Variants in TRPC4AP observed in about 807,000 individuals in gnomAD.
The protein encoded by TRPC4AP is transient receptor potential cation channel subfamily C member 4 associated protein.
Under a neutral mutation model 99.0 loss-of-function variants are expected in TRPC4AP, and 45 were observed. That is an observed-to-expected ratio of 0.45 (90% CI 0.36 to 0.58). The LOEUF (loss-of-function observed/expected upper bound fraction) is 0.58, where lower values mean the gene tolerates loss of function less well. Ranked by LOEUF, TRPC4AP falls within the 20% of genes least tolerant of loss-of-function variation. The pLI is 0.00. For synonymous variants in TRPC4AP, 408 were observed against 385.8 expected, an observed-to-expected ratio of 1.06 and a Z score of -0.67; for missense variants, 879 against 985.3, an observed-to-expected ratio of 0.89 and a Z score of 1.44.
chr20:35,022,724 A>G (rs1389802309), intron 8 of TRPC4AP, among the ~76,000 whole-genome samples: 1 of 152,108 alleles, frequency 6.6e-6, no homozygotes, highest in African/African-American at 2.4e-5. Context: ...AAGACAGAAG[A>G]CCCTAACTTA....
At chr20:35,052,325 C>T (rs2083724004) in intron 5 of TRPC4AP, among the ~76,000 whole-genome samples, 1 of 152,128 alleles carries the variant, frequency 6.6e-6, no homozygotes, top group Non-Finnish European at 1.5e-5. Flanking sequence ...AACTCCTGGA[C>T]ACACACAATT....
In TRPC4AP at chr20:35,080,549, A is replaced by AAC. The variant is rs1555917040; in HGVS notation, c.169-2376_169-2375insGT. 6.2e-3 allele frequency among the ~76,000 whole-genome samples: 937 copies of AAC among 150,480 alleles called. 13 individuals carry two copies. Among genetic ancestry groups the AAC allele is most frequent in the African/African-American group, 0.022 (902 of 40,378 alleles). ...AGACTCCATCTAAAAAAAAAAAAAA[A>AAC]AAAAAAACCTAAAAGAAGCCAGTCT... On this transcript the variant is annotated intron_variant, in intron 1 of 18. Coordinates refer to ENST00000252015, the MANE Select transcript of TRPC4AP (RefSeq NM_015638.3).
chr20:35,059,707 AAATAAG>A (rs1390162580), intron 3 of TRPC4AP, among the ~76,000 whole-genome samples: 1 of 140,736 alleles, frequency 7.1e-6, no homozygotes, highest in African/African-American at 2.8e-5. Context: ...AAAGAAGAAG[AAATAAG>A]AAGAAGAAGA....
intron 2 of TRPC4AP, among the ~76,000 whole-genome samples, chr20:35,076,738 CT>C (rs1432295174): frequency 6.6e-6 from 1 of 152,212 alleles, no homozygotes; most frequent in Non-Finnish European, 1.5e-5. Context: ...GGCAGTCTGT[CT>C]GTTCTCAGAT....
chr20:35,089,716 G>A (rs2084990069), intron 1 of TRPC4AP, among the ~76,000 whole-genome samples: 1 of 152,110 alleles, frequency 6.6e-6, no homozygotes, highest in Admixed American at 6.5e-5. Context: ...AGGTGTGGTG[G>A]CACACGACTG....
chr20:35,019,531 G>A (rs534755106), intron 9 of TRPC4AP, among the ~76,000 whole-genome samples: 2 of 152,046 alleles, frequency 1.3e-5, no homozygotes, highest in Non-Finnish European at 2.9e-5. Context: ...ATCGAGTGTG[G>A]GGACACAGAG....
At position 35,007,582 on chromosome 20, in the gene TRPC4AP, GGTCTGCAT is replaced by G; in HGVS notation, c.1646_1653del (p.Tyr549SerfsTer23). The G allele has an allele frequency of 6.2e-7, 1 of 1,614,188 alleles. No individual in the cohort carries two copies. Among genetic ancestry groups the G allele is most frequent in the Non-Finnish European group, 8.5e-7 (1 of 1,180,038 alleles). Reference sequence around the variant, plus strand: ...AGGCCTCGCTTCAGCAGGAACATCTGGTCTGCATAGGAGGTGGTCCCTCGGAGGAAACT... The same window carrying G: ...AGGCCTCGCTTCAGCAGGAACATCTGAGGAGGTGGTCCCTCGGAGGAAACT... On this transcript the variant is annotated frameshift_variant, in exon 14 of 19. Transcript: ENST00000252015. LOFTEE classifies it high-confidence loss of function.
intron 6 of TRPC4AP, among the ~76,000 whole-genome samples, chr20:35,047,651 C>T (rs1333043600): frequency 6.6e-6 from 1 of 152,150 alleles, no homozygotes; most frequent in Non-Finnish European, 1.5e-5. Context: ...CCAAGAACGA[C>T]CACCAGTAAA....
At chr20:35,045,880 C>T (rs2083551108) in intron 6 of TRPC4AP, among the ~76,000 whole-genome samples, 1 of 152,026 alleles carries the variant, frequency 6.6e-6, no homozygotes, top group Non-Finnish European at 1.5e-5. Context: ...ACTATTGTTG[C>T]CCAGGCTGGA....
In TRPC4AP at chr20:35,003,439, T is replaced by C; in HGVS notation, c.2227A>G (p.Lys743Glu). The change falls in exon 18 of 19, where the codon AAG becomes GAG. Residue 743 changes from lysine (K) to glutamate (E), a missense_variant. Around this residue, in one of 3 missense-constraint regions of TRPC4AP, gnomAD observed 224 missense variants for 264.7 expected, o/e 0.85. Coordinates refer to ENST00000252015, the MANE Select transcript of TRPC4AP (RefSeq NM_015638.3). ...TCTAGGCAGGTGCTGTCCTTGTCCT[T>C]GTGCAGGTAGTGCTGCTGCCAGAAG... The part of the protein sequence containing the change: ...LRFWQQHYLH[K>E]DKDSTCLENS... The C allele has an allele frequency of 1.2e-6, 2 of 1,614,092 alleles. No individual in the cohort carries two copies. Among genetic ancestry groups the C allele is most frequent in the South Asian group, 1.1e-5 (1 of 91,086 alleles).
At chr20:35,062,982 G>C (rs1274106328) in intron 3 of TRPC4AP, among the ~76,000 whole-genome samples, 1 of 152,220 alleles carries the variant, frequency 6.6e-6, no homozygotes, top group Non-Finnish European at 1.5e-5. Context: ...CAGGTGATAT[G>C]GTTTGGCTGT....
At chr20:35,008,062 T>C (rs778532479) in intron 13 of TRPC4AP, among the ~76,000 whole-genome samples, 26 of 152,050 alleles carry the variant, frequency 1.7e-4, no homozygotes, top group Non-Finnish European at 2.9e-4. Context: ...CCTAGGGAAG[T>C]AGTGGTTGAT....
intron 2 of TRPC4AP, 38 bp from the exon 3 acceptor site, chr20:35,069,450 T>A: frequency 7.7e-7 from 1 of 1,306,898 alleles, no homozygotes; most frequent in Non-Finnish European, 1.1e-6. Flanking sequence ...ATTGTTTTAG[T>A]AACCAACACA....
chr20:35,091,073 G>C (rs1452686779), intron 1 of TRPC4AP, among the ~76,000 whole-genome samples: 2 of 150,334 alleles, frequency 1.3e-5, no homozygotes, highest in East Asian at 3.9e-4. Flanking sequence ...TTTGAGACAG[G>C]GTCTCACTCT....
chr20:35,083,676 T>A (rs1360953943), intron 1 of TRPC4AP, among the ~76,000 whole-genome samples: 3 of 147,056 alleles, frequency 2.0e-5, no homozygotes, highest in African/African-American at 2.5e-5. Context: ...AAACTAAATA[T>A]ATGTGTCAGA....
chr20:35,062,449 T>C (rs530604151), intron 3 of TRPC4AP, among the ~76,000 whole-genome samples: 21 of 152,344 alleles, frequency 1.4e-4, no homozygotes, highest in Admixed American at 1.3e-3. Context: ...AACTGATGAA[T>C]GGATAAATAA....
At chr20:35,020,344 C>A (rs11906126) in intron 9 of TRPC4AP, among the ~76,000 whole-genome samples, 8,617 of 152,198 alleles carry the variant, frequency 0.057, 815 homozygotes, top group African/African-American at 0.2. Flanking sequence ...CTTGACATGA[C>A]CTGGTCCCTG....
rs1472057561 is a variant in TRPC4AP at position 35,044,796 on chromosome 20, AC to A, written c.658-85del. 8 of 1,372,206 alleles carry A rather than the reference AC, an allele frequency of 5.8e-6. No individual in the cohort carries two copies. In the East Asian group the frequency reaches 7.0e-5, roughly 12 times the overall value. The allele number at this position is 1,372,206 out of a possible 1,614,324, so 85.0% of individuals were successfully genotyped here. A position where few individuals can be genotyped will look rare whatever the true frequency, so the allele number is the denominator to read the frequency against. On this transcript the variant is annotated intron_variant, in intron 6 of 18. Coordinates refer to ENST00000252015, the MANE Select transcript of TRPC4AP (RefSeq NM_015638.3). ...GCCTCTCTTTCGCATCCCCTTACAT[AC>A]GGGGCTTAGTGGCTAGATCACTTAG...
intron 3 of TRPC4AP, among the ~76,000 whole-genome samples, chr20:35,064,879 T>G (rs2084103996): frequency 6.6e-6 from 1 of 152,216 alleles, no homozygotes; most frequent in Non-Finnish European, 1.5e-5. Flanking sequence ...ACCATTATCT[T>G]CTCCTGGTAG....
Sources: allele counts gnomAD v4.1 joint callset (sites outside exome capture counted in the v4.1 genomes callset), GRCh38; gene constraint gnomAD v4.1.1; regional missense constraint gnomAD v4.1.1; transcripts MANE v1.5; gene names NCBI Gene and HGNC (gene_info 2026-07-23, HGNC 2026-07-21).